The following PDE2A variants were observed in gnomAD, a reference collection of about 807,000 sequenced individuals.
PDE2A encodes phosphodiesterase 2A.
PDE2A carries 53 observed loss-of-function variants against 133.6 expected under a neutral mutation model. The ratio of observed to expected loss-of-function variants is 0.40; its 90% CI spans 0.32 to 0.50. The LOEUF (loss-of-function observed/expected upper bound fraction) is 0.50. Among genes scored for constraint, PDE2A ranks in the 20% least tolerant of loss-of-function variants. The probability of loss-of-function intolerance (pLI) is 0.73; values close to 1 mark genes in which losing one functional copy is unlikely to be tolerated. For synonymous variants in PDE2A, 491 were observed against 490.2 expected (o/e 1.00, Z -0.02); for missense variants, 796 against 1,232.4 (o/e 0.65, Z 5.30).
intron 1 of PDE2A, among the ~76,000 whole-genome samples, chr11:72,671,942 G>A (rs1272365151): frequency 3.3e-5 from 5 of 151,958 alleles, no homozygotes; most frequent in Non-Finnish European, 7.4e-5. Flanking sequence ...ATGAGATCCT[G>A]ACTTACTGAG....
At chr11:72,639,925 T>C (rs989623991) in intron 2 of PDE2A, among the ~76,000 whole-genome samples, 6 of 152,008 alleles carry the variant, frequency 3.9e-5, no homozygotes, top group Admixed American at 1.3e-4. Context: ...ACACCCACTA[T>C]ATTCCACACG....
chr11:72,646,748 C>T (rs1030195901), intron 1 of PDE2A, among the ~76,000 whole-genome samples: 2 of 152,224 alleles, frequency 1.3e-5, no homozygotes, highest in African/African-American at 4.8e-5. Flanking sequence ...GAACCTCTGG[C>T]TTTTCTTCCA....
intron 4 of PDE2A, among the ~76,000 whole-genome samples, chr11:72,604,614 G>A (rs1440738774): frequency 2.0e-5 from 3 of 152,236 alleles, no homozygotes; most frequent in African/African-American, 4.8e-5. Flanking sequence ...CAGAGAGGTT[G>A]TGTCATTTGC....
intron 2 of PDE2A, among the ~76,000 whole-genome samples, chr11:72,625,919 A>G (rs1027624518): frequency 1.5e-4 from 23 of 152,118 alleles, no homozygotes; most frequent in Non-Finnish European, 2.6e-4. Context: ...TTGTTCTCTC[A>G]GTGTTTACAG....
chr11:72,634,915 C>T (rs143459338), intron 2 of PDE2A, among the ~76,000 whole-genome samples: 49 of 152,340 alleles, frequency 3.2e-4, no homozygotes, highest in African/African-American at 1.1e-3. Flanking sequence ...GCGGGGCCCT[C>T]GAAGGCAGGG....
At chr11:72,663,445 C>T (rs1565197943) in intron 1 of PDE2A, among the ~76,000 whole-genome samples, 1 of 152,110 alleles carries the variant, frequency 6.6e-6, no homozygotes, top group Non-Finnish European at 1.5e-5. Flanking sequence ...AGTGAGTGTT[C>T]AGGCCAGGTG....
intron 2 of PDE2A, among the ~76,000 whole-genome samples, chr11:72,617,692 G>A (rs1377945989): frequency 6.6e-6 from 1 of 152,184 alleles, no homozygotes; most frequent in African/African-American, 2.4e-5. Flanking sequence ...ATAGACATAA[G>A]AGCCGGTAGG....
rs1220250066 is a variant in PDE2A, at chr11:72,642,295, C to A, written c.103G>T (p.Glu35Ter). 6.6e-7 allele frequency: 1 copy of A among 1,524,228 alleles called. No individual in the cohort carries two copies. The highest frequency in any genetic ancestry group is 8.8e-7 in the Non-Finnish European group (1 of 1,138,300). 94.4% of individuals were successfully genotyped at this position (1,524,228 alleles called of 1,614,324 possible). A position where few individuals can be genotyped will look rare whatever the true frequency, so the allele number is the denominator to read the frequency against. Residue 35 changes from glutamate to a stop codon, truncating the protein, a stop_gained, in exon 2 of 31, where the codon GAG becomes TAG. Transcript: ENST00000334456. LOFTEE classifies it high-confidence loss of function. ...CATGGCTGCGGCGGCGGCGGCGGCTCGTCCGGCTTGAGGAAGACCTGCTGG... is the reference window on the plus strand; with the variant it reads ...CATGGCTGCGGCGGCGGCGGCGGCTAGTCCGGCTTGAGGAAGACCTGCTGG... ...RGQQVFLKPD[E>*]PPPPPQPCAD... is the part of the protein sequence containing the mutation.
chr11:72,623,609 G>A (rs781470295), intron 2 of PDE2A, among the ~76,000 whole-genome samples: 4 of 151,898 alleles, frequency 2.6e-5, no homozygotes, highest in Non-Finnish European at 5.9e-5. Flanking sequence ...CAGCTCACTC[G>A]GTTTCTGCCT....
intron 4 of PDE2A, among the ~76,000 whole-genome samples, chr11:72,603,036 G>A (rs1349604223): frequency 6.6e-6 from 1 of 152,206 alleles, no homozygotes. Context: ...TCCTTTTTCA[G>A]GTAGCAGCTG....
Position 72,609,145 on chromosome 11 carries a change from C to T in PDE2A, c.145-394G>A, listed in dbSNP as rs185451687. On this transcript the variant is annotated intron_variant, in intron 2 of 30. Transcript: ENST00000334456. Reference sequence around the variant, plus strand: ...AACACCCAAATTTGAATCCTAGCTCCGCTGTGTATGAGCAGTGAGTGTCTT... The same window carrying T: ...AACACCCAAATTTGAATCCTAGCTCTGCTGTGTATGAGCAGTGAGTGTCTT... 2.0e-5 allele frequency among the ~76,000 whole-genome samples: 3 copies of T among 152,342 alleles called. 1 individual carries two copies. Among genetic ancestry groups the T allele is most frequent in the Middle Eastern group, 6.8e-3 (2 of 294 alleles).
At position 72,584,950 on chromosome 11, in the gene PDE2A, G is replaced by A. The variant is rs773476537; in HGVS notation, c.1287-6C>T. ...CCAGCAGGAACACAGAGCAGCTGTG[G>A]AGGGAGGGGTTTGGTCCTCTGGGGC... On this transcript the variant is annotated splice_polypyrimidine_tract_variant and splice_region_variant and intron_variant, in intron 16 of 30. Coordinates refer to ENST00000334456, the MANE Select transcript of PDE2A (RefSeq NM_002599.5). The A allele has an allele frequency of 2.5e-6, 4 of 1,614,014 alleles. No individual in the cohort carries two copies. The highest frequency in any genetic ancestry group is 3.4e-6 in the Non-Finnish European group (4 of 1,179,996).
rs1178928026 is a variant in PDE2A, at chr11:72,590,115, A to C, written c.756+77T>G. ...GAAGGACATCGTAATTGGAACTGAG[A>C]TGGAGGGCTCAAGGGGAAGTTGGTC... On this transcript the variant is annotated intron_variant, in intron 9 of 30. Transcript: ENST00000334456. The surrounding 1 kb of genome is among the most constrained non-coding windows in gnomAD (Gnocchi z 4.8). 4.9e-6 allele frequency: 7 copies of C among 1,424,664 alleles called. No homozygotes were observed. Among genetic ancestry groups the C allele is most frequent in the African/African-American group, 1.4e-5 (1 of 70,458 alleles). 88.3% of individuals were successfully genotyped at this position (1,424,664 alleles called of 1,614,324 possible).
intron 1 of PDE2A, among the ~76,000 whole-genome samples, chr11:72,660,142 C>T (rs188852858): frequency 1.3e-5 from 2 of 152,326 alleles, no homozygotes; most frequent in African/African-American, 4.8e-5. Context: ...TCTTAATTGT[C>T]ATGGTGGTTA....
intron 1 of PDE2A, chr11:72,669,160 A>G: frequency 6.2e-6 from 1 of 160,208 alleles, no homozygotes. Flanking sequence ...ACACAGCTAC[A>G]GAGTAACAGT....
chr11:72,631,049 A>T, intron 2 of PDE2A: 1 of 1,157,116 alleles, frequency 8.6e-7, no homozygotes, highest in Non-Finnish European at 1.2e-6. Context: ...CCTCAAGCCC[A>T]CCCACTTCTC....
At chr11:72,639,099 C>T (rs1328959116) in intron 2 of PDE2A, among the ~76,000 whole-genome samples, 1 of 152,196 alleles carries the variant, frequency 6.6e-6, no homozygotes, top group African/African-American at 2.4e-5. Flanking sequence ...TTGGATGTTT[C>T]TTCTCTCAAG....
At chr11:72,608,349 C>T (rs1230528630) in intron 3 of PDE2A, among the ~76,000 whole-genome samples, 2 of 152,176 alleles carry the variant, frequency 1.3e-5, no homozygotes, top group Non-Finnish European at 2.9e-5. Flanking sequence ...CTGGCTCCAC[C>T]ACGTCCTGTT....
intron 2 of PDE2A, among the ~76,000 whole-genome samples, chr11:72,630,165 A>T (rs1858304798): frequency 6.6e-6 from 1 of 152,068 alleles, no homozygotes; most frequent in Admixed American, 6.5e-5. Context: ...CAGGGCAGGA[A>T]ATGCGCTGGC....
Sources: allele counts gnomAD v4.1 joint callset (sites outside exome capture counted in the v4.1 genomes callset), GRCh38; gene constraint gnomAD v4.1.1; non-coding constraint Gnocchi (gnomAD v3.1); transcripts MANE v1.5; gene names NCBI Gene and HGNC (gene_info 2026-07-23, HGNC 2026-07-21).